Variants in DKK2 observed in about 807,000 individuals in gnomAD.
DKK2 encodes the protein dickkopf-related protein 2.
Under a neutral mutation model 28.1 loss-of-function variants are expected in DKK2, and 11 were observed. The ratio of observed to expected loss-of-function variants is 0.39; its 90% CI spans 0.25 to 0.65. The LOEUF (loss-of-function observed/expected upper bound fraction) is 0.65. Ranked by LOEUF, DKK2 falls within the 30% of genes least tolerant of loss-of-function variation. The pLI, the probability that DKK2 is intolerant of heterozygous loss-of-function variation, is 0.47. For missense variants in DKK2, 326 were observed against 335.5 expected (o/e 0.97, Z 0.22); for synonymous variants, 135 against 126.5 (o/e 1.07, Z -0.45).
At chr4:106,999,920 A>C (rs1190512429) in intron 1 of DKK2, among the ~76,000 whole-genome samples, 3 of 152,194 alleles carry the variant, frequency 2.0e-5, no homozygotes, top group African/African-American at 4.8e-5. Context: ...TTGTGAAAGG[A>C]AGGGGATTGC....
intron 1 of DKK2, among the ~76,000 whole-genome samples, chr4:106,935,754 C>T (rs545481344): frequency 6.6e-4 from 101 of 152,296 alleles, no homozygotes; most frequent in South Asian, 3.5e-3. Flanking sequence ...TCTCCCAGCA[C>T]GCAGCTGGAG....
intron 1 of DKK2, among the ~76,000 whole-genome samples, chr4:107,033,998 T>A (rs1046468377): frequency 3.3e-5 from 5 of 152,042 alleles, no homozygotes; most frequent in African/African-American, 9.7e-5. Context: ...TTAAAAAAAA[T>A]CTGATTGCTG....
In DKK2 at chr4:106,935,448, C is replaced by G. The variant is rs953004497; in HGVS notation, c.223-9499G>C. 3.3e-5 allele frequency among the ~76,000 whole-genome samples: 5 copies of G among 152,246 alleles called. No individual in the cohort carries two copies. In the East Asian group the frequency reaches 7.7e-4, roughly 23 times the overall value. ...CACACCATGAGATTATATCCCACAC[C>G]TGGCTCGGAGGGTCCTACACCCACA... On this transcript the variant is annotated intron_variant, in intron 1 of 3. Transcript: ENST00000285311.
chr4:107,000,103 A>C lies in DKK2; in HGVS notation c.222+35267T>G, dbSNP rs149320746. The stretch of plus-strand genomic sequence containing the variant: ...GCCAGAATGTTTAAAAGAATGTATC[A>C]TTTTATGAATAGTCAAGGATAAAAG... On this transcript the variant is annotated intron_variant, in intron 1 of 3. Transcript: ENST00000285311. Among the ~76,000 whole-genome samples the C allele has an allele frequency of 4.9e-3, 754 of 152,332 alleles. 4 individuals are homozygous for C. Among genetic ancestry groups the C allele is most frequent in the African/African-American group, 0.017 (721 of 41,576 alleles).
At chr4:106,982,806 A>C (rs1033451466) in intron 1 of DKK2, among the ~76,000 whole-genome samples, 11 of 151,510 alleles carry the variant, frequency 7.3e-5, no homozygotes, top group African/African-American at 2.7e-4. Context: ...TGAGAGGCTA[A>C]GGTGGGAGGA....
chr4:106,956,492 C>T (rs1022482578), intron 1 of DKK2, among the ~76,000 whole-genome samples: 3 of 152,160 alleles, frequency 2.0e-5, no homozygotes, highest in African/African-American at 7.2e-5. Flanking sequence ...CACTACCTGA[C>T]TTCAAACTAT....
At chr4:106,941,381 G>C (rs142283223) in intron 1 of DKK2, among the ~76,000 whole-genome samples, 2,749 of 152,262 alleles carry the variant, frequency 0.018, 40 homozygotes, top group Non-Finnish European at 0.031. Context: ...TTGTCCATTA[G>C]TAAGAGAAAG....
At chr4:106,928,283 G>C (rs1724451812) in intron 1 of DKK2, among the ~76,000 whole-genome samples, 1 of 151,962 alleles carries the variant, frequency 6.6e-6, no homozygotes, top group Non-Finnish European at 1.5e-5. Context: ...AAGTATATTA[G>C]AAAATACATA....
At chr4:107,024,039 A>G (rs1424999153) in intron 1 of DKK2, among the ~76,000 whole-genome samples, 6 of 152,136 alleles carry the variant, frequency 3.9e-5, no homozygotes, top group Non-Finnish European at 7.4e-5. Flanking sequence ...TTGACAAAAT[A>G]TATATCCTTT....
chr4:106,943,945 A>C (rs1371675010), intron 1 of DKK2, among the ~76,000 whole-genome samples: 1 of 152,102 alleles, frequency 6.6e-6, no homozygotes, highest in East Asian at 1.9e-4. Flanking sequence ...CTTCCATCCT[A>C]AACAATTATT....
intron 1 of DKK2, among the ~76,000 whole-genome samples, chr4:107,019,467 T>A (rs954700895): frequency 3.3e-5 from 5 of 151,970 alleles, no homozygotes; most frequent in South Asian, 2.1e-4. Context: ...TAGGGAAGGT[T>A]AAGTGAGGCA....
At chr4:106,962,556 T>C (rs1216243580) in intron 1 of DKK2, among the ~76,000 whole-genome samples, 1 of 133,420 alleles carries the variant, frequency 7.5e-6, no homozygotes, top group African/African-American at 2.7e-5. Flanking sequence ...TGTGTGTGAA[T>C]GCAGAAGAAT....
At chr4:106,963,903 C>T (rs535937146) in intron 1 of DKK2, among the ~76,000 whole-genome samples, 29 of 152,250 alleles carry the variant, frequency 1.9e-4, no homozygotes, top group South Asian at 6.2e-4. Flanking sequence ...TATGTATACC[C>T]GGTTTTCCCA....
At position 107,034,676 on chromosome 4, in the gene DKK2, T is replaced by C. The variant is rs76643746; in HGVS notation, c.222+694A>G. ...CTTCCGGGTGATTTATGTACAATTC[T>C]GCGTGAGTGAGAAATGCGCGTCTAC... On this transcript the variant is annotated intron_variant, in intron 1 of 3. Transcript: ENST00000285311. Among the ~76,000 whole-genome samples, 559 of 152,324 alleles carry C rather than the reference T, an allele frequency of 3.7e-3. 8 individuals are homozygous for C. Among genetic ancestry groups the C allele is most frequent in the African/African-American group, 0.013 (527 of 41,574 alleles).
At chr4:106,943,335 A>G (rs1724729602) in intron 1 of DKK2, among the ~76,000 whole-genome samples, 1 of 152,120 alleles carries the variant, frequency 6.6e-6, no homozygotes, top group Non-Finnish European at 1.5e-5. Context: ...TTATACCTGG[A>G]ATAATTTACC....
chr4:106,972,373 G>T (rs990704115), intron 1 of DKK2, among the ~76,000 whole-genome samples: 25 of 150,984 alleles, frequency 1.7e-4, no homozygotes, highest in African/African-American at 5.1e-4. Flanking sequence ...CAAAGAAGCA[G>T]AGAGTCTCTG....
chr4:107,033,976 T>C (rs913624806), intron 1 of DKK2, among the ~76,000 whole-genome samples: 1 of 152,110 alleles, frequency 6.6e-6, no homozygotes, highest in African/African-American at 2.4e-5. Context: ...CTTTCTTATT[T>C]TTCCTGAGAC....
intron 1 of DKK2, among the ~76,000 whole-genome samples, chr4:106,961,769 A>G (rs979333111): frequency 1.3e-5 from 2 of 151,998 alleles, no homozygotes; most frequent in African/African-American, 2.4e-5. Flanking sequence ...TCCTTCCTCC[A>G]CCACTTCAAA....
At chr4:106,952,658 C>T (rs1317992496) in intron 1 of DKK2, among the ~76,000 whole-genome samples, 10 of 152,062 alleles carry the variant, frequency 6.6e-5, no homozygotes, top group Admixed American at 5.9e-4. Context: ...ATAAAGTAAG[C>T]AGCCTTCTCA....
Sources: gnomAD v4.1 joint callset for allele counts (sites outside exome capture counted in the v4.1 genomes callset) on GRCh38, gnomAD v4.1.1 for gene constraint, MANE v1.5 for transcripts, NCBI Gene and HGNC (gene_info 2026-07-23, HGNC 2026-07-21) for gene names.